Variants in FAM193A observed in about 807,000 individuals in gnomAD.
The protein encoded by FAM193A is family with sequence similarity 193 member A, also known as protein FAM193A.
FAM193A carries 22 observed loss-of-function variants against 126.5 expected under a neutral mutation model. The observed-to-expected ratio is 0.17, with a 90% confidence interval of 0.12 to 0.25. The LOEUF (loss-of-function observed/expected upper bound fraction) is 0.25. Among genes scored for constraint, FAM193A ranks in the 10% least tolerant of loss-of-function variants. The pLI is 1.00. For missense variants in FAM193A, 1,675 were observed against 1,672.8 expected, an observed-to-expected ratio of 1.00 and a Z score of -0.02; for synonymous variants, 761 against 646.8, an observed-to-expected ratio of 1.18 and a Z score of -2.68.
intron 14 of FAM193A, 101 bp from the exon 15 acceptor site, chr4:2,690,597 A>T: frequency 9.1e-7 from 1 of 1,102,376 alleles, no homozygotes; most frequent in Non-Finnish European, 1.3e-6. Flanking sequence ...TGACTTCAGT[A>T]GCACCCCCAG....
At position 2,672,203 on chromosome 4, in the gene FAM193A, G is replaced by C. The variant is rs1313298701; in HGVS notation, c.2162G>C (p.Gly721Ala). ...CTGACACCATCTGCAATGACAGCCG[G>C]AGCCCTTCCTCCTGGCCATCAGTTC... Reference protein sequence around the residue: ...SGLTPSAMTAGALPPGHQFLS... With the variant: ...SGLTPSAMTAAALPPGHQFLS... The change falls in exon 13 of 21, where the codon GGA becomes GCA. Residue 721 changes from glycine to alanine, a missense_variant. Gly to Ala is a moderately conservative substitution (Grantham distance 60). Transcript: ENST00000637812. 1.2e-6 allele frequency: 2 copies of C among 1,614,160 alleles called. No individual in the cohort carries two copies. The highest frequency in any genetic ancestry group is 3.3e-5 in the Admixed American group (2 of 60,016).
At chr4:2,729,376 G>A (rs184992888) in intron 20 of FAM193A, among the ~76,000 whole-genome samples, 1 of 152,250 alleles carries the variant, frequency 6.6e-6, no homozygotes, top group African/African-American at 2.4e-5. Context: ...CCCAAGGGAG[G>A]AATTGGGAGA....
intron 13 of FAM193A, among the ~76,000 whole-genome samples, chr4:2,679,605 C>T (rs1459194477): frequency 2.0e-5 from 3 of 151,492 alleles, no homozygotes; most frequent in Non-Finnish European, 4.4e-5. Flanking sequence ...CTCGAACTCC[C>T]GACCTCAGGT....
At chr4:2,679,648 G>A (rs747180432) in intron 13 of FAM193A, among the ~76,000 whole-genome samples, 1 of 151,976 alleles carries the variant, frequency 6.6e-6, no homozygotes, top group Non-Finnish European at 1.5e-5. Flanking sequence ...AAAGTGTTGG[G>A]ATTACAGGTG....
intron 1 of FAM193A, among the ~76,000 whole-genome samples, chr4:2,561,219 T>G (rs746293955): frequency 6.6e-6 from 1 of 152,202 alleles, no homozygotes; most frequent in Non-Finnish European, 1.5e-5. Context: ...CTCGCTCTGT[T>G]GCCCAGGCTG....
At chr4:2,638,264 C>T (rs1460050582) in intron 5 of FAM193A, among the ~76,000 whole-genome samples, 1 of 152,228 alleles carries the variant, frequency 6.6e-6, no homozygotes, top group South Asian at 2.1e-4. Flanking sequence ...TGGAGAGCAG[C>T]GGACTATTGT....
intron 5 of FAM193A, among the ~76,000 whole-genome samples, chr4:2,633,464 C>G (rs1409297952): frequency 6.6e-6 from 1 of 151,918 alleles, no homozygotes; most frequent in Non-Finnish European, 1.5e-5. Context: ...TGCATACACC[C>G]AGAAGCTGTT....
At chr4:2,556,681 C>T (rs1560440542) in intron 1 of FAM193A, among the ~76,000 whole-genome samples, 2 of 151,888 alleles carry the variant, frequency 1.3e-5, no homozygotes, top group African/African-American at 4.8e-5. Context: ...GACCCTGTCT[C>T]AAAAAAGGAA....
At chr4:2,659,703 C>T in intron 9 of FAM193A, 33 bp downstream of exon 9, 1 of 1,609,642 alleles carries the variant, frequency 6.2e-7, no homozygotes, top group Non-Finnish European at 8.5e-7. Context: ...GCACGACTGG[C>T]CCATTGGACC....
At chr4:2,535,549 G>A (rs1004081575), upstream of FAM193A, among the ~76,000 whole-genome samples, 3 of 152,252 alleles carry the variant, frequency 2.0e-5, no homozygotes, top group African/African-American at 7.2e-5. Flanking sequence ...GGGCCCTCCA[G>A]GGGGCGGAGC....
chr4:2,637,762 G>A (rs1318361572), intron 5 of FAM193A, among the ~76,000 whole-genome samples: 1 of 152,176 alleles, frequency 6.6e-6, no homozygotes, highest in Non-Finnish European at 1.5e-5. Flanking sequence ...CCTGTCGATG[G>A]GGCATGGGCA....
intron 6 of FAM193A, among the ~76,000 whole-genome samples, chr4:2,641,696 A>G (rs1361915693): frequency 6.6e-6 from 1 of 152,198 alleles, no homozygotes; most frequent in Admixed American, 6.5e-5. Flanking sequence ...GAATACGTGT[A>G]TTGACCCAGT....
In FAM193A at chr4:2,730,405, T is replaced by C. The variant is rs371401273; in HGVS notation, c.4455-1370T>C. Among the ~76,000 whole-genome samples, 5 of 152,136 alleles carry C rather than the reference T, an allele frequency of 3.3e-5. No individual in the cohort carries two copies. In the East Asian group the frequency reaches 9.6e-4, roughly 29 times the overall value. ...GCCTCTGCTTTCTATAAAAGCTTCT[T>C]GGAGGCCGGGCGCGGTGGCTCACGA... On this transcript the variant is annotated intron_variant, in intron 20 of 20. Coordinates refer to ENST00000637812, the MANE Select transcript of FAM193A (RefSeq NM_001366318.2).
In FAM193A at chr4:2,631,122, G is replaced by T. The variant is rs556150749; in HGVS notation, c.991G>T (p.Ala331Ser). The T allele has an allele frequency of 3.7e-6, 6 of 1,613,368 alleles. No individual in the cohort carries two copies. The African/African-American group carries it at 6.7e-5, about 18-fold the overall frequency. Residue 331 changes from alanine to serine, a missense_variant, in exon 5 of 21, where the codon GCC becomes TCC. Coordinates refer to ENST00000637812, the MANE Select transcript of FAM193A (RefSeq NM_001366318.2). ...CTCCCTCCTGCTTGAGGAGTACGGC[G>T]CCCTCTGCCAGGCCGCACGCTCCAT... Reference protein sequence around the residue: ...FISLLLEEYGALCQAARSIST... With the variant: ...FISLLLEEYGSLCQAARSIST...
At position 2,639,868 on chromosome 4, in the gene FAM193A, C is replaced by A. The variant is rs958058030; in HGVS notation, c.1163+9C>A. On this transcript the variant is annotated intron_variant, in intron 6 of 20. Coordinates refer to ENST00000637812, the MANE Select transcript of FAM193A (RefSeq NM_001366318.2). ...CTGGTGTCACAGATCAGGTATTTTGCCTTAACCCGTATGTGTCTTTGTGGT... is the reference window on the plus strand; with the variant it reads ...CTGGTGTCACAGATCAGGTATTTTGACTTAACCCGTATGTGTCTTTGTGGT... 4 of 1,612,608 alleles carry A rather than the reference C, an allele frequency of 2.5e-6. No homozygotes were observed. In the African/African-American group the frequency reaches 5.3e-5, roughly 22 times the overall value.
chr4:2,569,520 G>A (rs1456389099), intron 1 of FAM193A, among the ~76,000 whole-genome samples: 1 of 152,074 alleles, frequency 6.6e-6, no homozygotes, highest in Non-Finnish European at 1.5e-5. Flanking sequence ...TTCTTTTTGA[G>A]ACAGGGTCTT....
chr4:2,613,613 C>T (rs1479907151), intron 2 of FAM193A, among the ~76,000 whole-genome samples: 1 of 151,922 alleles, frequency 6.6e-6, no homozygotes, highest in Non-Finnish European at 1.5e-5. Flanking sequence ...GCCCCCATGC[C>T]TGGCTAATTT....
At chr4:2,716,358 C>G (rs867773745) in intron 20 of FAM193A, among the ~76,000 whole-genome samples, 5 of 152,156 alleles carry the variant, frequency 3.3e-5, no homozygotes, top group African/African-American at 1.2e-4. Context: ...TGGCTTCCCC[C>G]CCACCCTTCC....
intron 1 of FAM193A, among the ~76,000 whole-genome samples, chr4:2,590,415 A>G (rs1740462836): frequency 7.2e-6 from 1 of 139,336 alleles, no homozygotes; most frequent in Non-Finnish European, 1.6e-5. Flanking sequence ...CAGTGAGCCA[A>G]GATGGCGCCA....
Sources: allele counts gnomAD v4.1 joint callset (sites outside exome capture counted in the v4.1 genomes callset), GRCh38; gene constraint gnomAD v4.1.1; transcripts MANE v1.5; gene names NCBI Gene and HGNC (gene_info 2026-07-23, HGNC 2026-07-21).